DEFB119: variants seen among roughly 807,000 people sequenced by gnomAD.
The protein encoded by DEFB119 is defensin beta 119.
In DEFB119, 3 loss-of-function variants were observed where a neutral mutation model predicts 2.5. The ratio of observed to expected loss-of-function variants is 1.19; its 90% CI spans 0.54 to 3.07. The LOEUF is 3.07. DEFB119 is among the 30% of genes most tolerant of loss of function. The pLI is 0.03. For missense variants in DEFB119, 113 were observed against 101.1 expected, an observed-to-expected ratio of 1.12 and a Z score of -0.50; for synonymous variants, 29 against 33.7, an observed-to-expected ratio of 0.86 and a Z score of 0.48.
rs1444165860 is a variant in DEFB119, at chr20:31,377,357, A to G, written c.144T>C (p.Tyr48=). The part of the protein sequence containing the change: ...SCKKNEQPYL[Y]CRNCQSCCLQ... ...GGCAGCAGGACTGACAATTTCTGCA[A>G]TAGAGGTAGGGCTGTTCGTTCTTTT... Residue 48 remains tyrosine, a synonymous_variant, in exon 2 of 2, where the codon TAT becomes TAC. Transcript: ENST00000376321. 4 of 1,614,200 alleles carry G rather than the reference A, an allele frequency of 2.5e-6. No individual in the cohort carries two copies. Among genetic ancestry groups the G allele is most frequent in the Admixed American group, 3.3e-5 (2 of 60,022 alleles).
chr20:31,386,004 G>A (rs544125953), intron 1 of DEFB119, among the ~76,000 whole-genome samples: 2 of 152,162 alleles, frequency 1.3e-5, no homozygotes, highest in South Asian at 4.2e-4. Context: ...ACCAGCTGGA[G>A]GGAGCCATGA....
In DEFB119 at chr20:31,378,424, T is replaced by C. The variant is rs766764956; in HGVS notation, c.62-985A>G. 8.1e-6 allele frequency: 13 copies of C among 1,613,676 alleles called. No homozygotes were observed. The East Asian group carries it at 8.9e-5, about 11-fold the overall frequency. Reference sequence around the variant, plus strand: ...AGAGGAGACAAGCCAACAAAGATCATTGAAATATGATCCAGCATCTCATAA... The same window carrying C: ...AGAGGAGACAAGCCAACAAAGATCACTGAAATATGATCCAGCATCTCATAA... On this transcript the variant is annotated intron_variant, in intron 1 of 1. Coordinates refer to ENST00000376321, the MANE Select transcript of DEFB119 (RefSeq NM_153289.4).
At chr20:31,380,403 A>G (rs112089037) in intron 1 of DEFB119, among the ~76,000 whole-genome samples, 5,719 of 152,054 alleles carry the variant, frequency 0.038, 361 homozygotes, top group African/African-American at 0.13. Flanking sequence ...ATAGCTGGGA[A>G]CTAGAGGCAC....
intron 1 of DEFB119, among the ~76,000 whole-genome samples, chr20:31,381,964 G>T (rs549341785): frequency 7.9e-5 from 12 of 152,336 alleles, no homozygotes; most frequent in Admixed American, 6.5e-4. Flanking sequence ...AGTGACAGTG[G>T]GTGGGGACAG....
chr20:31,381,383 T>G (rs1986500045), intron 1 of DEFB119, among the ~76,000 whole-genome samples: 2 of 152,280 alleles, frequency 1.3e-5, no homozygotes, highest in South Asian at 4.1e-4. Flanking sequence ...CATCTTCAAA[T>G]AGACACCATT....
At chr20:31,381,915 G>A (rs758275377) in intron 1 of DEFB119, among the ~76,000 whole-genome samples, 27 of 152,220 alleles carry the variant, frequency 1.8e-4, no homozygotes, top group Non-Finnish European at 3.4e-4. Context: ...AAGCTATAGA[G>A]ATGGGAAAAC....
At chr20:31,385,108 C>T (rs145204016) in intron 1 of DEFB119, among the ~76,000 whole-genome samples, 317 of 152,244 alleles carry the variant, frequency 2.1e-3, no homozygotes, top group African/African-American at 6.9e-3. Flanking sequence ...TAACAAACTG[C>T]TAGACAAGAC....
intron 1 of DEFB119, among the ~76,000 whole-genome samples, chr20:31,387,023 C>A (rs1986732569): frequency 6.6e-6 from 1 of 152,032 alleles, no homozygotes; most frequent in Non-Finnish European, 1.5e-5. Flanking sequence ...TCAGGCTGGT[C>A]TCAAACTACT....
chr20:31,381,091 A>G (rs1201564275), intron 1 of DEFB119, among the ~76,000 whole-genome samples: 1 of 152,120 alleles, frequency 6.6e-6, no homozygotes, highest in South Asian at 2.1e-4. Context: ...TATTTCTTTT[A>G]TCAATATTCT....
rs144611681 is a variant in DEFB119 at position 31,389,243 on chromosome 20, T to C, written c.61+1180A>G. 1.2e-5 allele frequency: 20 copies of C among 1,613,998 alleles called. No homozygotes were observed. In the African/African-American group the frequency reaches 2.4e-4, roughly 19 times the overall value. ...ATCCAACACTCTACTTTGGGGCATA[T>C]GAACAACAATTAAGCAGATGTTAGT... On this transcript the variant is annotated intron_variant, in intron 1 of 1. Coordinates refer to ENST00000376321, the MANE Select transcript of DEFB119 (RefSeq NM_153289.4).
At chr20:31,389,807 A>C (rs891629436) in intron 1 of DEFB119, among the ~76,000 whole-genome samples, 1 of 151,954 alleles carries the variant, frequency 6.6e-6, no homozygotes, top group African/African-American at 2.4e-5. Context: ...CCCCAACTCC[A>C]AGCCAAACCC....
chr20:31,388,959 C>T, intron 1 of DEFB119: 14 of 1,577,818 alleles, frequency 8.9e-6, no homozygotes, highest in Non-Finnish European at 1.1e-5. Flanking sequence ...GATTGACAGA[C>T]ACCAGAAACA....
At chr20:31,385,173 T>C (rs922206448) in intron 1 of DEFB119, among the ~76,000 whole-genome samples, 7 of 152,152 alleles carry the variant, frequency 4.6e-5, no homozygotes, top group Admixed American at 6.5e-5. Context: ...AGGAATGATA[T>C]CACCTCAAGC....
intron 1 of DEFB119, among the ~76,000 whole-genome samples, chr20:31,389,603 T>G (rs763704660): frequency 6.6e-5 from 10 of 152,046 alleles, no homozygotes; most frequent in Non-Finnish European, 1.3e-4. Context: ...ACGAAGAGGA[T>G]TCACTCACAT....
At chr20:31,388,280 T>C in intron 1 of DEFB119, 1 of 985,606 alleles carries the variant, frequency 1.0e-6, no homozygotes. Context: ...AATCCTTGAA[T>C]AAATCAATGA....
At chr20:31,381,508 G>A (rs1986504305) in intron 1 of DEFB119, among the ~76,000 whole-genome samples, 1 of 152,152 alleles carries the variant, frequency 6.6e-6, no homozygotes, top group Admixed American at 6.5e-5. Context: ...AGTGTGGATG[G>A]ATCTCAAGAG....
At chr20:31,386,864 A>T (rs1465285884) in intron 1 of DEFB119, among the ~76,000 whole-genome samples, 15 of 122,334 alleles carry the variant, frequency 1.2e-4, no homozygotes, top group Admixed American at 5.6e-4. Flanking sequence ...CCCAGGCTGG[A>T]GTGCAGTGGC....
chr20:31,388,298 G>T (rs1986788195), intron 1 of DEFB119: 1 of 985,626 alleles, frequency 1.0e-6, no homozygotes, highest in Admixed American at 6.1e-5. Context: ...TGAACAATAG[G>T]TGACGACATT....
intron 1 of DEFB119, among the ~76,000 whole-genome samples, chr20:31,377,790 C>T (rs1173351944): frequency 1.3e-5 from 2 of 152,134 alleles, no homozygotes; most frequent in African/African-American, 4.8e-5. Flanking sequence ...GCTGGAGAGA[C>T]TGACAACCTG....
Sources: gnomAD v4.1 joint callset for allele counts (sites outside exome capture counted in the v4.1 genomes callset) on GRCh38, gnomAD v4.1.1 for gene constraint, MANE v1.5 for transcripts, NCBI Gene and HGNC (gene_info 2026-07-23, HGNC 2026-07-21) for gene names.